CTSH: variants seen among roughly 807,000 people sequenced by gnomAD.
The protein encoded by CTSH is cathepsin H.
Under a neutral mutation model 56.3 loss-of-function variants are expected in CTSH, and 52 were observed. The ratio of observed to expected loss-of-function variants is 0.92; its 90% CI spans 0.74 to 1.16. The LOEUF (loss-of-function observed/expected upper bound fraction) is 1.16, where lower values mean the gene tolerates loss of function less well. CTSH is among the 50% of genes most tolerant of loss of function. CTSH has a pLI of 0.00. For synonymous variants in CTSH, 174 were observed against 155.7 expected (o/e 1.12, Z -0.88); for missense variants, 406 against 424.5 (o/e 0.96, Z 0.38).
intron 8 of CTSH, 142 bp downstream of exon 8, chr15:78,929,269 GA>G (rs2054992178): frequency 1.4e-6 from 1 of 705,290 alleles, no homozygotes; most frequent in African/African-American, 1.8e-5. Context: ...GGAGGGGAAG[GA>G]AGAATTTGGA....
At chr15:78,931,771 C>T (rs2055066268) in intron 6 of CTSH, 1 of 1,394,800 alleles carries the variant, frequency 7.2e-7, no homozygotes, top group Non-Finnish European at 9.3e-7. Flanking sequence ...GGGTCCAAAC[C>T]CCTGCCCCGT....
intron 9 of CTSH, 30 bp from the exon 10 acceptor site, chr15:78,925,470 A>G (rs763784333): frequency 6.9e-6 from 10 of 1,442,902 alleles, no homozygotes; most frequent in Admixed American, 1.7e-5. Context: ...ACAGAAACAC[A>G]TGGCCTGTCA....
Position 78,935,768 on chromosome 15 carries a change from A to G in CTSH, c.230-18T>C, listed in dbSNP as rs755666047. On this transcript the variant is annotated intron_variant, in intron 3 of 11. Coordinates refer to ENST00000220166, the MANE Select transcript of CTSH (RefSeq NM_004390.5). The stretch of plus-strand genomic sequence containing the variant: ...CAGTGCCACTACAAAAGAGAAGGAA[A>G]AAACCAAAACAGAAATGGTTAGTGA... The G allele has an allele frequency of 6.3e-6, 10 of 1,587,284 alleles. No homozygotes were observed. The highest frequency in any genetic ancestry group is 1.1e-5 in the South Asian group (1 of 89,102).
rs1177981112 is a variant in CTSH at position 78,929,498 on chromosome 15, A to G, written c.549-5T>C. On this transcript the variant is annotated splice_region_variant and splice_polypyrimidine_tract_variant and intron_variant, in intron 7 of 11. Transcript: ENST00000220166. ...AAAGCCTGGCTGGGGAGACCCCTGC[A>G]AGAAGTACACACAGGTGAGCCCACC... 1.2e-6 allele frequency: 2 copies of G among 1,607,940 alleles called. No individual in the cohort carries two copies. Among genetic ancestry groups the G allele is most frequent in the South Asian group, 2.2e-5 (2 of 90,098 alleles).
At chr15:78,930,058 A>G (rs944831534) in intron 7 of CTSH, among the ~76,000 whole-genome samples, 1 of 152,200 alleles carries the variant, frequency 6.6e-6, no homozygotes, top group African/African-American at 2.4e-5. Flanking sequence ...AGCATTCCGC[A>G]CCGCCTGACC....
intron 10 of CTSH, 86 bp downstream of exon 10, chr15:78,925,248 C>T (rs1254297814): frequency 4.0e-5 from 34 of 843,404 alleles, no homozygotes; most frequent in African/African-American, 5.0e-5. Context: ...GTCTGGGCCA[C>T]GAGCCCAAGT....
intron 7 of CTSH, among the ~76,000 whole-genome samples, 168 bp from the exon 8 acceptor site, chr15:78,929,661 G>A (rs1036848630): frequency 3.3e-5 from 5 of 152,118 alleles, no homozygotes; most frequent in African/African-American, 2.4e-5. Flanking sequence ...ATAAGACTCA[G>A]CAAACTCAGA....
chr15:78,923,931 G>A (rs1026087907), intron 10 of CTSH, among the ~76,000 whole-genome samples: 3 of 152,110 alleles, frequency 2.0e-5, no homozygotes, highest in South Asian at 2.1e-4. Flanking sequence ...ATAGGCTCGC[G>A]CCAGGGCCAG....
At chr15:78,931,374 C>T in intron 7 of CTSH, 77 bp downstream of exon 7, 2 of 1,583,472 alleles carry the variant, frequency 1.3e-6, no homozygotes, top group East Asian at 2.2e-5. Context: ...TGTGGCAGAC[C>T]CAGCACACAC....
intron 3 of CTSH, chr15:78,937,069 A>C: frequency 2.1e-6 from 1 of 467,682 alleles, no homozygotes; most frequent in Non-Finnish European, 3.9e-6. Context: ...GATGGCAGGA[A>C]TGGGGCAGGG....
At chr15:78,932,038 G>A in intron 6 of CTSH, 1 of 1,202,284 alleles carries the variant, frequency 8.3e-7, no homozygotes, top group Non-Finnish European at 1.0e-6. Flanking sequence ...GACAACTGAG[G>A]CTGCTGGGAA....
At position 78,921,829 on chromosome 15, in the gene CTSH, A is replaced by G. The variant is rs2141509649; in HGVS notation, c.*301T>C. On this transcript the variant is annotated 3_prime_UTR_variant, in exon 12 of 12. Coordinates refer to ENST00000220166, the MANE Select transcript of CTSH (RefSeq NM_004390.5). ...CGAATACAGAAAAGACAGTCCCTGG[A>G]GCTCTATATGTGGAAAGTAGCCCTT... The G allele has an allele frequency of 2.5e-6, 1 of 393,864 alleles. No homozygotes were observed. The highest frequency in any genetic ancestry group is 4.8e-5 in the East Asian group (1 of 20,772). 24.4% of individuals were successfully genotyped at this position (393,864 alleles called of 1,614,324 possible).
chr15:78,927,319 G>A lies in CTSH; in HGVS notation c.699+394C>T, dbSNP rs145791751. 2.7e-3 allele frequency: 670 copies of A among 251,580 alleles called. 6 individuals are homozygous for A. The highest frequency in any genetic ancestry group is 0.014 in the African/African-American group (638 of 44,556). The allele number at this position is 251,580 out of a possible 1,614,324, so 15.6% of individuals were successfully genotyped here. The stretch of plus-strand genomic sequence containing the variant: ...GTTGTCAGCCATGCAGATTGGGCAC[G>A]GTTGTTATTGCAACAGAACCTGGCT... On this transcript the variant is annotated intron_variant, in intron 9 of 11. Transcript: ENST00000220166.
intron 2 of CTSH, among the ~76,000 whole-genome samples, chr15:78,938,395 G>T (rs62013200): frequency 0.15 from 22,056 of 151,986 alleles, 1,741 homozygotes; most frequent in East Asian, 0.2. Flanking sequence ...TTTGTACTCA[G>T]GAATCAGTTT....
In CTSH at chr15:78,927,719, G is replaced by A; in HGVS notation, c.693C>T (p.Ile231=). 1 of 1,614,072 alleles carries A rather than the reference G, an allele frequency of 6.2e-7. No homozygotes were observed. The highest frequency in any genetic ancestry group is 8.5e-7 in the Non-Finnish European group (1 of 1,179,922). ...GAGGGGGATCGGCACTCACGATTGT[G>A]ATGTTGGCTACATCCTTGACAAAGC... ...AIGFVKDVAN[I]TIYDEEAMVE... is the part of the protein sequence containing the mutation. Residue 231 remains isoleucine (I), a synonymous_variant, in exon 9 of 12, where the codon ATC becomes ATT. Coordinates refer to ENST00000220166, the MANE Select transcript of CTSH (RefSeq NM_004390.5).
At chr15:78,931,815 C>A in intron 6 of CTSH, 1 of 1,326,074 alleles carries the variant, frequency 7.5e-7, no homozygotes, top group Non-Finnish European at 9.7e-7. Flanking sequence ...TGTGGGGTCC[C>A]ACAGCGGTGT....
chr15:78,923,428 A>G (rs554164915), intron 10 of CTSH, among the ~76,000 whole-genome samples: 39 of 152,284 alleles, frequency 2.6e-4, no homozygotes, highest in Non-Finnish European at 4.7e-4. Context: ...TAGCCTGATT[A>G]CAGGCGTGCA....
intron 9 of CTSH, 101 bp from the exon 10 acceptor site, chr15:78,925,541 C>A: frequency 2.7e-6 from 2 of 753,330 alleles, no homozygotes; most frequent in South Asian, 1.5e-5. Context: ...AGGCCCAGAG[C>A]AGCATGGATG....
rs575380862 is a variant in CTSH at position 78,921,208 on chromosome 15, C to G, written c.*922G>C. The G allele has an allele frequency of 1.3e-5, 2 of 152,236 alleles. No individual in the cohort carries two copies. Among genetic ancestry groups the G allele is most frequent in the African/African-American group, 2.4e-5 (1 of 41,528 alleles). 9.4% of individuals were successfully genotyped at this position (152,236 alleles called of 1,614,324 possible). ...TTAAGAAAGTCTGTGAGCCATAGGA[C>G]AAAGAGCTGGTGGACTCCAGCTTGT... On this transcript the variant is annotated 3_prime_UTR_variant, in exon 12 of 12. Coordinates refer to ENST00000220166, the MANE Select transcript of CTSH (RefSeq NM_004390.5).
Sources: allele counts gnomAD v4.1 joint callset (sites outside exome capture counted in the v4.1 genomes callset), GRCh38; gene constraint gnomAD v4.1.1; transcripts MANE v1.5; gene names NCBI Gene and HGNC (gene_info 2026-07-23, HGNC 2026-07-21).